COL13A1: variants seen among roughly 807,000 people sequenced by gnomAD.
COL13A1 encodes the protein collagen alpha-1(XIII) chain.
In COL13A1, 89 loss-of-function variants were observed where a neutral mutation model predicts 130.9. The ratio of observed to expected loss-of-function variants is 0.68; its 90% CI spans 0.57 to 0.81. The LOEUF (loss-of-function observed/expected upper bound fraction) is 0.81, where lower values mean the gene tolerates loss of function less well. Among genes scored for constraint, COL13A1 ranks in the 30% least tolerant of loss-of-function variants. The probability of loss-of-function intolerance (pLI) is 0.00; values close to 1 mark genes in which losing one functional copy is unlikely to be tolerated. For missense variants in COL13A1, 879 were observed against 934.6 expected, an observed-to-expected ratio of 0.94 and a Z score of 0.78; for synonymous variants, 402 against 341.6, an observed-to-expected ratio of 1.18 and a Z score of -1.95.
At chr10:69,926,251 C>T (rs2065340343) in intron 26 of COL13A1, among the ~76,000 whole-genome samples, 1 of 152,364 alleles carries the variant, frequency 6.6e-6, no homozygotes, top group Admixed American at 6.5e-5. Flanking sequence ...AGCAAATCTT[C>T]CTGGAACGCA....
chr10:69,936,630 T>A, intron 32 of COL13A1, 126 bp from the exon 33 acceptor site: 2 of 1,058,830 alleles, frequency 1.9e-6, no homozygotes, highest in Non-Finnish European at 2.8e-6. Context: ...CTACCTCTCA[T>A]GGGCAGGGAC....
rs190002885 is a variant in COL13A1, at chr10:69,864,051, G to A, written c.365-3747G>A. Among the ~76,000 whole-genome samples the A allele has an allele frequency of 4.8e-3, 728 of 152,068 alleles. 8 individuals are homozygous for A. The highest frequency in any genetic ancestry group is 7.3e-3 in the Non-Finnish European group (494 of 67,976). On this transcript the variant is annotated intron_variant, in intron 2 of 40. Transcript: ENST00000645393. ...ACCACTGTACTCCAGCCTGGGCAAC[G>A]GAGTGAGATACTATCTCAAAAAATA...
intron 12 of COL13A1, 120 bp downstream of exon 12, chr10:69,894,821 C>T: frequency 1.5e-6 from 2 of 1,323,110 alleles, no homozygotes; most frequent in Non-Finnish European, 2.1e-6. Context: ...CCAGGAAAGC[C>T]CCCGAGGTGC....
chr10:69,909,293 A>G (rs1012327610), intron 17 of COL13A1, among the ~76,000 whole-genome samples: 3 of 151,816 alleles, frequency 2.0e-5, no homozygotes, highest in African/African-American at 7.3e-5. Flanking sequence ...TTGCCTCCCA[A>G]CCCTTCTGTC....
intron 4 of COL13A1, among the ~76,000 whole-genome samples, chr10:69,874,443 G>C (rs547491376): frequency 2.6e-5 from 4 of 152,344 alleles, no homozygotes; most frequent in African/African-American, 9.6e-5. Flanking sequence ...CTACCAAAAG[G>C]GGGAGGAACA....
chr10:69,813,281 C>T (rs1015522466), intron 1 of COL13A1, among the ~76,000 whole-genome samples: 2 of 152,216 alleles, frequency 1.3e-5, no homozygotes, highest in Admixed American at 6.5e-5. Context: ...GCCAATCTGC[C>T]TCCCATGCAC....
At chr10:69,859,474 C>T (rs376696637) in intron 2 of COL13A1, among the ~76,000 whole-genome samples, 4 of 152,192 alleles carry the variant, frequency 2.6e-5, no homozygotes, top group Non-Finnish European at 4.4e-5. Flanking sequence ...CGGCAGTCGC[C>T]GGGCAGGGCA....
intron 36 of COL13A1, 85 bp downstream of exon 36, chr10:69,944,263 C>T: frequency 8.7e-7 from 1 of 1,147,820 alleles, no homozygotes; most frequent in Non-Finnish European, 1.3e-6. Flanking sequence ...AGCCCTCATG[C>T]CTTCCTTCTT....
chr10:69,888,850 C>T (rs913413083), intron 9 of COL13A1, among the ~76,000 whole-genome samples: 2 of 152,150 alleles, frequency 1.3e-5, no homozygotes, highest in African/African-American at 4.8e-5. Context: ...GGTTCCCTGA[C>T]ACAAATGTTC....
chr10:69,872,337 T>C (rs2059158132), intron 4 of COL13A1, 127 bp downstream of exon 4: 5 of 1,059,914 alleles, frequency 4.7e-6, no homozygotes, highest in Non-Finnish European at 7.0e-6. Flanking sequence ...CTCTCCAGAG[T>C]CCCTGATCTA....
At chr10:69,946,223 C>T (rs757393192) in intron 37 of COL13A1, among the ~76,000 whole-genome samples, 4 of 152,226 alleles carry the variant, frequency 2.6e-5, no homozygotes, top group African/African-American at 2.4e-5. Flanking sequence ...GGGCATTGCG[C>T]TGTGAGAGGA....
chr10:69,876,295 A>G (rs1374975938), intron 5 of COL13A1, among the ~76,000 whole-genome samples: 6 of 152,054 alleles, frequency 3.9e-5, no homozygotes, highest in Admixed American at 3.9e-4. Flanking sequence ...AGACAGCCCA[A>G]CTCCAAACCT....
intron 2 of COL13A1, among the ~76,000 whole-genome samples, chr10:69,841,709 GA>G (rs1851645261): frequency 6.6e-6 from 1 of 152,106 alleles, no homozygotes; most frequent in South Asian, 2.1e-4. Flanking sequence ...TGAGAAACTA[GA>G]AAAAAAATCC....
chr10:69,930,343 C>G, intron 29 of COL13A1, 57 bp from the exon 30 acceptor site: 2 of 1,498,584 alleles, frequency 1.3e-6, no homozygotes, highest in South Asian at 1.3e-5. Context: ...CTCTCTCTCC[C>G]TCTCTCCTCT....
intron 27 of COL13A1, among the ~76,000 whole-genome samples, chr10:69,928,098 G>A (rs2135769750): frequency 6.6e-6 from 1 of 152,306 alleles, no homozygotes; most frequent in African/African-American, 2.4e-5. Flanking sequence ...GTTGCAGTGA[G>A]TCGAGACTGC....
intron 10 of COL13A1, among the ~76,000 whole-genome samples, chr10:69,892,156 C>T (rs1286377598): frequency 6.6e-6 from 1 of 152,226 alleles, no homozygotes; most frequent in Admixed American, 6.5e-5. Context: ...TCAAATCCAG[C>T]AGGCCACAGA....
chr10:69,951,169 C>T lies in COL13A1; in HGVS notation c.2059-1713C>T, dbSNP rs575140667. On this transcript the variant is annotated intron_variant, in intron 38 of 40. Transcript: ENST00000645393. ...CAGCCAAAAATATTCTTATCCTCTGCCTTCCTCTAATGAACATCTACCCTG... is the reference window on the plus strand; with the variant it reads ...CAGCCAAAAATATTCTTATCCTCTGTCTTCCTCTAATGAACATCTACCCTG... Among the ~76,000 whole-genome samples the T allele has an allele frequency of 1.8e-3, 280 of 151,976 alleles. 1 individual carries two copies. The highest frequency in any genetic ancestry group is 0.014 in the Middle Eastern group (4 of 294).
intron 1 of COL13A1, among the ~76,000 whole-genome samples, chr10:69,820,623 G>C (rs933975727): frequency 6.6e-6 from 1 of 152,204 alleles, no homozygotes; most frequent in Non-Finnish European, 1.5e-5. Context: ...GTGCCCACCT[G>C]TACCTTGGCC....
chr10:69,856,087 C>A (rs942743438), intron 2 of COL13A1, among the ~76,000 whole-genome samples: 1 of 152,230 alleles, frequency 6.6e-6, no homozygotes, highest in African/African-American at 2.4e-5. Context: ...TGCGAATTAG[C>A]AGCTTGAGGA....
Sources: gnomAD v4.1 joint callset for allele counts (sites outside exome capture counted in the v4.1 genomes callset) on GRCh38, gnomAD v4.1.1 for gene constraint, MANE v1.5 for transcripts, NCBI Gene and HGNC (gene_info 2026-07-23, HGNC 2026-07-21) for gene names.